Variants in ASIC2 observed in about 807,000 individuals in gnomAD.
The protein encoded by ASIC2 is acid-sensing ion channel 2.
Under a neutral mutation model 57.3 loss-of-function variants are expected in ASIC2, and 25 were observed. The observed-to-expected ratio is 0.44, with a 90% CI of 0.32 to 0.61. ASIC2 has a LOEUF of 0.61. ASIC2 is among the 20% of genes least tolerant of loss of function. The pLI is 0.06. For missense variants in ASIC2, 641 were observed against 738.1 expected (o/e 0.87, Z 1.52); for synonymous variants, 319 against 307.5 (o/e 1.04, Z -0.39).
intron 1 of ASIC2, among the ~76,000 whole-genome samples, chr17:33,868,091 A>G (rs1488487134): frequency 2.6e-5 from 4 of 152,190 alleles, no homozygotes; most frequent in Non-Finnish European, 5.9e-5. Context: ...CTCTCTGAGC[A>G]TTAGAAATCA....
At chr17:33,545,186 A>C (rs913660441) in intron 1 of ASIC2, among the ~76,000 whole-genome samples, 1 of 152,166 alleles carries the variant, frequency 6.6e-6, no homozygotes, top group African/African-American at 2.4e-5. Flanking sequence ...TTACAATTTC[A>C]TTAATCCTTT....
At chr17:33,033,760 C>T (rs956199498) in intron 3 of ASIC2, among the ~76,000 whole-genome samples, 5 of 152,194 alleles carry the variant, frequency 3.3e-5, no homozygotes, top group Non-Finnish European at 5.9e-5. Flanking sequence ...GGAGGGACTG[C>T]CAGTCTTGCT....
chr17:33,604,549 G>T (rs531835169), intron 1 of ASIC2, among the ~76,000 whole-genome samples: 1 of 152,168 alleles, frequency 6.6e-6, no homozygotes, highest in Non-Finnish European at 1.5e-5. Context: ...GAACACAAAT[G>T]ACAGCACAAC....
rs528669956 is a variant in ASIC2, at chr17:33,090,555, A to G, written c.860-1565T>C. Among the ~76,000 whole-genome samples, 26 of 152,274 alleles carry G rather than the reference A, an allele frequency of 1.7e-4. No individual in the cohort carries two copies. The South Asian group carries it at 5.4e-3, about 32-fold the overall frequency. ...AAAGAAAAAAATGGAGAGAGAATGG[A>G]TAAATGCAGGAAGGAGAGAAGATAA... On this transcript the variant is annotated intron_variant, in intron 2 of 9. Coordinates refer to ENST00000225823, the MANE Select transcript of ASIC2 (RefSeq NM_183377.2).
intron 1 of ASIC2, among the ~76,000 whole-genome samples, chr17:33,957,720 C>A (rs935901400): frequency 1.3e-5 from 2 of 152,102 alleles, no homozygotes; most frequent in African/African-American, 4.8e-5. Context: ...TGGGGACACA[C>A]CCAAACATAT....
intron 3 of ASIC2, among the ~76,000 whole-genome samples, chr17:33,073,576 G>A (rs944446899): frequency 7.9e-5 from 12 of 152,168 alleles, no homozygotes; most frequent in African/African-American, 2.2e-4. Flanking sequence ...CACTCATTGC[G>A]ACCATCACAA....
At chr17:33,762,390 T>C (rs1407912094) in intron 1 of ASIC2, among the ~76,000 whole-genome samples, 1 of 152,134 alleles carries the variant, frequency 6.6e-6, no homozygotes, top group East Asian at 1.9e-4. Context: ...TTATGGGAGC[T>C]TGTATTCTGG....
intron 1 of ASIC2, among the ~76,000 whole-genome samples, chr17:33,773,849 T>C (rs546117446): frequency 2.1e-4 from 32 of 152,082 alleles, no homozygotes; most frequent in African/African-American, 6.5e-4. Flanking sequence ...TTTTTTTTTG[T>C]AGAGACAGGG....
At chr17:33,028,637 C>T (rs953592100) in intron 3 of ASIC2, among the ~76,000 whole-genome samples, 11 of 152,162 alleles carry the variant, frequency 7.2e-5, no homozygotes, top group Admixed American at 2.6e-4. Context: ...CCTCCTGTCT[C>T]GGCCTCTCTA....
At chr17:33,377,964 C>T (rs147048625) in intron 1 of ASIC2, among the ~76,000 whole-genome samples, 1 of 152,342 alleles carries the variant, frequency 6.6e-6, no homozygotes, top group African/African-American at 2.4e-5. Flanking sequence ...ACCAGTTCAG[C>T]AGCCAAATGG....
At chr17:33,185,918 G>A (rs1906174338) in intron 1 of ASIC2, among the ~76,000 whole-genome samples, 1 of 152,192 alleles carries the variant, frequency 6.6e-6, no homozygotes. Flanking sequence ...CCATAGGCAA[G>A]GGCTGTCCTG....
intron 1 of ASIC2, among the ~76,000 whole-genome samples, chr17:33,608,273 G>T (rs991401544): frequency 1.3e-5 from 2 of 152,166 alleles, no homozygotes; most frequent in Admixed American, 1.3e-4. Flanking sequence ...TGAGTGTGAG[G>T]TTCTGAGAGG....
At chr17:33,092,661 A>G (rs1024637803) in intron 2 of ASIC2, among the ~76,000 whole-genome samples, 1 of 152,262 alleles carries the variant, frequency 6.6e-6, no homozygotes, top group African/African-American at 2.4e-5. Context: ...ACAGCAAGTC[A>G]AGAGCAGAGC....
At chr17:33,272,401 A>G (rs1904531233) in intron 1 of ASIC2, among the ~76,000 whole-genome samples, 1 of 152,194 alleles carries the variant, frequency 6.6e-6, no homozygotes, top group African/African-American at 2.4e-5. Context: ...CACAGTAGGC[A>G]CTCAATTAAC....
Position 33,706,398 on chromosome 17 carries a change from T to A in ASIC2, c.555+449580A>T, listed in dbSNP as rs200120304. On this transcript the variant is annotated intron_variant, in intron 1 of 9. Transcript: ENST00000359872. ...CCATGAATGGCTAATTTTTTTTTTT[T>A]AATTTTGTAGAGACAAGGTTTCACG... 1.6e-4 allele frequency among the ~76,000 whole-genome samples: 25 copies of A among 151,618 alleles called. No individual in the cohort carries two copies. The East Asian group carries it at 4.5e-3, about 27-fold the overall frequency.
intron 1 of ASIC2, 27 bp from the exon 2 acceptor site, chr17:33,112,094 AG>A: frequency 6.3e-7 from 1 of 1,598,348 alleles, no homozygotes; most frequent in Non-Finnish European, 8.5e-7. Flanking sequence ...AGAGAGAGAG[AG>A]AAGCACATGG....
intron 3 of ASIC2, among the ~76,000 whole-genome samples, chr17:33,063,902 C>T (rs2092031201): frequency 1.3e-5 from 2 of 152,228 alleles, no homozygotes. Flanking sequence ...CGCTTCATTT[C>T]ATTCATTCGA....
chr17:33,364,136 T>C (rs7224859), intron 1 of ASIC2, among the ~76,000 whole-genome samples: 50 of 152,282 alleles, frequency 3.3e-4, no homozygotes, highest in Middle Eastern at 3.4e-3. Context: ...GTGGAACTCA[T>C]AGTCTAGGGC....
At chr17:33,533,167 G>T (rs866397429) in intron 1 of ASIC2, among the ~76,000 whole-genome samples, 11 of 152,258 alleles carry the variant, frequency 7.2e-5, no homozygotes, top group Admixed American at 2.6e-4. Flanking sequence ...CCAACATGGT[G>T]AAACCCCATC....
Sources: allele counts gnomAD v4.1 joint callset (sites outside exome capture counted in the v4.1 genomes callset), GRCh38; gene constraint gnomAD v4.1.1; transcripts MANE v1.5; gene names NCBI Gene and HGNC (gene_info 2026-07-23, HGNC 2026-07-21).